The following SHANK2 variants were observed in gnomAD, a reference collection of about 807,000 sequenced individuals.
SHANK2 encodes SH3 and multiple ankyrin repeat domains protein 2.
A neutral mutation model predicts 133.7 loss-of-function variants in SHANK2; 43 were observed. The observed-to-expected ratio is 0.32, with a 90% CI of 0.25 to 0.41. SHANK2 has a LOEUF of 0.41. Among genes scored for constraint, SHANK2 ranks in the 10% least tolerant of loss-of-function variants. SHANK2 has a pLI of 1.00. For missense variants in SHANK2, 1,994 were observed against 2,235.8 expected (o/e 0.89, Z 2.18); for synonymous variants, 1,017 against 952.8 (o/e 1.07, Z -1.24).
At position 70,588,851 on chromosome 11, in the gene SHANK2, T is replaced by C. The variant is rs575875175; in HGVS notation, c.2061+70977A>G. On this transcript the variant is annotated intron_variant, in intron 17 of 25. Transcript: ENST00000601538. ...TTCTTTTTTTGAGATGGAGTCGCGC[T>C]CTGTCGCCCAGGCTGGAGTGCAGTG... is the stretch of plus-strand genomic sequence containing the variant. Among the ~76,000 whole-genome samples the C allele has an allele frequency of 2.0e-5, 3 of 152,346 alleles. No homozygotes were observed. The South Asian group carries it at 6.2e-4, about 32-fold the overall frequency.
intron 8 of SHANK2, among the ~76,000 whole-genome samples, chr11:71,084,340 T>C (rs928000170): frequency 4.6e-5 from 7 of 152,094 alleles, no homozygotes; most frequent in African/African-American, 1.7e-4. Context: ...CATCAGCCTG[T>C]GGGGATGGGG....
intron 2 of SHANK2, among the ~76,000 whole-genome samples, chr11:71,173,029 CCCT>C (rs1481636757): frequency 6.6e-6 from 1 of 152,274 alleles, no homozygotes; most frequent in Non-Finnish European, 1.5e-5. Flanking sequence ...CAGCACTCAA[CCCT>C]GTCACTGTGC....
intron 17 of SHANK2, among the ~76,000 whole-genome samples, chr11:70,642,443 C>T (rs889345197): frequency 1.3e-5 from 2 of 152,196 alleles, no homozygotes; most frequent in Admixed American, 1.3e-4. Context: ...CTGGGCAGAA[C>T]GGAGCTTGCT....
At chr11:70,867,202 A>T (rs1949378142) in intron 11 of SHANK2, among the ~76,000 whole-genome samples, 1 of 151,610 alleles carries the variant, frequency 6.6e-6, no homozygotes, top group Admixed American at 6.6e-5. Context: ...CTAGAATACG[A>T]AGGTGCCATC....
intron 14 of SHANK2, among the ~76,000 whole-genome samples, chr11:70,795,387 T>C (rs1964456): frequency 0.34 from 51,104 of 148,724 alleles, 10,624 homozygotes; most frequent in African/African-American, 0.59. Flanking sequence ...TTTCTTTTCT[T>C]TTTTCTTTTC....
intron 2 of SHANK2, among the ~76,000 whole-genome samples, chr11:71,177,227 C>G (rs927162627): frequency 6.6e-6 from 1 of 152,046 alleles, no homozygotes; most frequent in Non-Finnish European, 1.5e-5. Flanking sequence ...ATATGAATTA[C>G]ACAAAAGAGT....
intron 2 of SHANK2, among the ~76,000 whole-genome samples, chr11:71,201,529 C>T (rs1555117142): frequency 6.6e-6 from 1 of 152,260 alleles, no homozygotes; most frequent in African/African-American, 2.4e-5. Flanking sequence ...ATGGCGGTCA[C>T]CTGCACAGCA....
intron 8 of SHANK2, among the ~76,000 whole-genome samples, chr11:71,083,363 C>A (rs966432685): frequency 0.021 from 3,152 of 152,184 alleles, 66 homozygotes; most frequent in Non-Finnish European, 0.029. Context: ...TTATTAAGCA[C>A]CTGGTCTATG....
chr11:71,126,522 A>C (rs1455204750), intron 3 of SHANK2, among the ~76,000 whole-genome samples: 2 of 152,204 alleles, frequency 1.3e-5, no homozygotes, highest in African/African-American at 2.4e-5. Flanking sequence ...TCGACATTCA[A>C]GTCTTATTAT....
At chr11:71,130,233 G>A (rs1161356478) in intron 3 of SHANK2, among the ~76,000 whole-genome samples, 7 of 152,196 alleles carry the variant, frequency 4.6e-5, no homozygotes, top group South Asian at 2.1e-4. Flanking sequence ...ACCATGGGGC[G>A]AGTCTCTGCA....
intron 14 of SHANK2, among the ~76,000 whole-genome samples, chr11:70,702,719 C>G (rs1313549280): frequency 6.6e-6 from 1 of 152,196 alleles, no homozygotes; most frequent in Non-Finnish European, 1.5e-5. Context: ...AGTCTTTACC[C>G]TTAATTGGTA....
At chr11:70,627,075 G>C (rs2060915328) in intron 17 of SHANK2, among the ~76,000 whole-genome samples, 1 of 152,150 alleles carries the variant, frequency 6.6e-6, no homozygotes, top group Admixed American at 6.5e-5. Flanking sequence ...GGTGTTGGGG[G>C]ACTTTGTCCC....
intron 2 of SHANK2, among the ~76,000 whole-genome samples, chr11:71,147,620 C>A (rs1445725315): frequency 6.6e-6 from 1 of 152,136 alleles, no homozygotes; most frequent in Non-Finnish European, 1.5e-5. Context: ...TGTGAAACCC[C>A]GGCACTCAAA....
intron 2 of SHANK2, among the ~76,000 whole-genome samples, chr11:71,152,097 A>G (rs1185350361): frequency 6.6e-6 from 1 of 152,058 alleles, no homozygotes; most frequent in Admixed American, 6.5e-5. Flanking sequence ...TGAAATTTAT[A>G]AACATTGGAA....
At chr11:70,550,273 A>G (rs1259851964) in intron 17 of SHANK2, among the ~76,000 whole-genome samples, 1 of 152,034 alleles carries the variant, frequency 6.6e-6, no homozygotes, top group African/African-American at 2.4e-5. Context: ...CAGCCTCCTT[A>G]CAGCCCTTTC....
intron 10 of SHANK2, chr11:70,933,330 T>C (rs1950527141): frequency 2.2e-6 from 1 of 454,446 alleles, no homozygotes; most frequent in South Asian, 1.6e-5. Context: ...TTCATAGAGA[T>C]GGAAAGTAGA....
At chr11:70,705,883 C>T (rs1220594166) in intron 14 of SHANK2, 2 of 149,672 alleles carry the variant, frequency 1.3e-5, no homozygotes, top group Non-Finnish European at 3.0e-5. Context: ...GCTTGCCCTT[C>T]CCTTTACTGA....
chr11:70,785,618 G>A (rs1318370322), intron 14 of SHANK2, among the ~76,000 whole-genome samples: 1 of 152,214 alleles, frequency 6.6e-6, no homozygotes, highest in Admixed American at 6.5e-5. Context: ...GCTGGGCAGG[G>A]CCTGTCAGTG....
intron 17 of SHANK2, among the ~76,000 whole-genome samples, chr11:70,587,293 T>C (rs1292697297): frequency 6.6e-6 from 1 of 152,122 alleles, no homozygotes; most frequent in Non-Finnish European, 1.5e-5. Flanking sequence ...AAATGCTTTC[T>C]CTAAAGGCAG....
Sources: gnomAD v4.1 joint callset for allele counts (sites outside exome capture counted in the v4.1 genomes callset) on GRCh38, gnomAD v4.1.1 for gene constraint, MANE v1.5 for transcripts, NCBI Gene and HGNC (gene_info 2026-07-23, HGNC 2026-07-21) for gene names.